The following NUP155 variants were observed in gnomAD, a reference collection of about 807,000 sequenced individuals.
NUP155 encodes nuclear pore complex protein Nup155.
In NUP155, 71 loss-of-function variants were observed where a neutral mutation model predicts 180.4. The observed-to-expected ratio is 0.39, with a 90% confidence interval of 0.33 to 0.48. The LOEUF (loss-of-function observed/expected upper bound fraction) is 0.48. Ranked by LOEUF, NUP155 falls within the 20% of genes least tolerant of loss-of-function variation. NUP155 has a pLI of 0.91. For synonymous variants in NUP155, 582 were observed against 559.5 expected (o/e 1.04, Z -0.57); for missense variants, 1,553 against 1,648.9 (o/e 0.94, Z 1.01).
In NUP155 at chr5:37,324,019, A is replaced by T; in HGVS notation, c.2180T>A (p.Phe727Tyr). ...LQEFLDRNSQFAGGPLGNPNT... is the reference protein window; with the variant it reads ...LQEFLDRNSQYAGGPLGNPNT... ...TGGATTTCCTAATGGTCCTCCTGCA[A>T]ACTGGGAGTTTCTGTCTAGAAATTC... is the stretch of plus-strand genomic sequence containing the variant. Residue 727 changes from phenylalanine (F) to tyrosine (Y), a missense_variant, in exon 20 of 35, where the codon TTT (phenylalanine) becomes TAT (tyrosine). By Grantham distance (22) the Phe-to-Tyr change is conservative (BLOSUM62 3). Transcript: ENST00000231498. 6.2e-7 allele frequency: 1 copy of T among 1,612,342 alleles called. No individual in the cohort carries two copies. Among genetic ancestry groups the T allele is most frequent in the Non-Finnish European group, 8.5e-7 (1 of 1,178,396 alleles).
chr5:37,314,868 T>C (rs1246061380), intron 21 of NUP155, among the ~76,000 whole-genome samples: 1 of 152,036 alleles, frequency 6.6e-6, no homozygotes, highest in African/African-American at 2.4e-5. Context: ...AAATGATGAA[T>C]AGAAACCTAG....
intron 11 of NUP155, among the ~76,000 whole-genome samples, chr5:37,339,934 G>T (rs1379980832): frequency 6.6e-6 from 1 of 152,028 alleles, no homozygotes; most frequent in Admixed American, 6.6e-5. Context: ...GCTAATTTTT[G>T]TATTTTTAGT....
At chr5:37,305,329 G>A in intron 25 of NUP155, 119 bp from the exon 26 acceptor site, 3 of 825,868 alleles carry the variant, frequency 3.6e-6, no homozygotes, top group Non-Finnish European at 6.0e-6. Context: ...AGGACGGCTT[G>A]AGGCTGGGAG....
In NUP155 at chr5:37,327,796, A is replaced by C; in HGVS notation, c.1877-20T>G. 1 of 1,613,080 alleles carries C rather than the reference A, an allele frequency of 6.2e-7. No homozygotes were observed. The highest frequency in any genetic ancestry group is 8.5e-7 in the Non-Finnish European group (1 of 1,179,070). ...GTATACCTTGTACACACATAAGAAA[A>C]ACAAATCTCTTAATCTTAATCTTAG... On this transcript the variant is annotated intron_variant, in intron 17 of 34. Coordinates refer to ENST00000231498, the MANE Select transcript of NUP155 (RefSeq NM_153485.3).
At chr5:37,292,246 C>T (rs1184447733) in intron 34 of NUP155, among the ~76,000 whole-genome samples, 1 of 149,878 alleles carries the variant, frequency 6.7e-6, no homozygotes, top group African/African-American at 2.5e-5. Context: ...GACGGAGTCT[C>T]GCTCTGTCAC....
intron 8 of NUP155, among the ~76,000 whole-genome samples, chr5:37,348,953 A>C (rs548842731): frequency 7.2e-5 from 11 of 152,016 alleles, no homozygotes; most frequent in Non-Finnish European, 1.2e-4. Context: ...GCAGGGTTTC[A>C]TCATGTTGGC....
intron 30 of NUP155, chr5:37,301,215 AGGTT>A (rs1742846621): frequency 2.1e-6 from 1 of 478,716 alleles, no homozygotes; most frequent in African/African-American, 2.0e-5. Context: ...CGAGGATGAT[AGGTT>A]CTTTGTAGCT....
At position 37,371,106 on chromosome 5, in the gene NUP155, C is replaced by T; in HGVS notation, c.-129G>A. The stretch of plus-strand genomic sequence containing the variant: ...CCAAACGAGCGCCTTGGCGCCTCGA[C>T]ATGACGCACTTCCGCTTCATCCGGT... On this transcript the variant is annotated 5_prime_UTR_variant, in exon 1 of 35. Coordinates refer to ENST00000231498, the MANE Select transcript of NUP155 (RefSeq NM_153485.3). 2.3e-6 allele frequency: 2 copies of T among 867,840 alleles called. No individual in the cohort carries two copies. The highest frequency in any genetic ancestry group is 4.5e-5 in the Admixed American group (2 of 44,502). 53.8% of individuals were successfully genotyped at this position (867,840 alleles called of 1,614,324 possible).
intron 9 of NUP155, among the ~76,000 whole-genome samples, chr5:37,347,211 G>C (rs939719293): frequency 6.6e-6 from 1 of 151,584 alleles, no homozygotes; most frequent in Non-Finnish European, 1.5e-5. Context: ...CTGGGCAACA[G>C]AGCGAGACTC....
chr5:37,356,299 T>C (rs930537405), intron 4 of NUP155, among the ~76,000 whole-genome samples: 10 of 151,456 alleles, frequency 6.6e-5, no homozygotes, highest in Non-Finnish European at 1.5e-4. Context: ...ATGCTTGTGA[T>C]ATCTACAAGA....
chr5:37,293,272 A>G (rs553513831), intron 33 of NUP155: 134 of 307,052 alleles, frequency 4.4e-4, no homozygotes, highest in Non-Finnish European at 7.6e-4. Context: ...GAGATAAGAG[A>G]AAAATCTTTC....
intron 20 of NUP155, among the ~76,000 whole-genome samples, chr5:37,321,506 C>T (rs1744242118): frequency 2.0e-5 from 3 of 152,168 alleles, no homozygotes; most frequent in Non-Finnish European, 4.4e-5. Context: ...AGCACGAAGT[C>T]AAGAGATCGA....
In NUP155 at chr5:37,342,549, C is replaced by T; in HGVS notation, c.1093G>A (p.Gly365Ser). The T allele has an allele frequency of 6.3e-7, 1 of 1,590,506 alleles. No individual in the cohort carries two copies. The highest frequency in any genetic ancestry group is 8.6e-7 in the Non-Finnish European group (1 of 1,158,660). The change falls in exon 10 of 35, where the codon GGT becomes AGT. Residue 365 changes from glycine to serine, a missense_variant and splice_region_variant. Physicochemically the swap from Gly to Ser is moderately conservative, Grantham distance 56. Coordinates refer to ENST00000231498, the MANE Select transcript of NUP155 (RefSeq NM_153485.3). ...CAGATATGTAAATAAAACAACATAC[C>T]TGCATGTGTGACAGCCAATAACTGA... is the stretch of plus-strand genomic sequence containing the variant. ...DCQLLAVTHA[G>S]VRLYFSTCPF...
Position 37,332,336 on chromosome 5 carries a change from T to C in NUP155, c.1519-541A>G, listed in dbSNP as rs1745027018. 2.1e-5 allele frequency among the ~76,000 whole-genome samples: 3 copies of C among 143,736 alleles called. No homozygotes were observed. The South Asian group carries it at 6.9e-4, about 33-fold the overall frequency. 94.3% of individuals were successfully genotyped at this position (143,736 alleles called of 152,430 possible). Reference sequence around the variant, plus strand: ...AGCTTTTTTTTTTTTTTTTTTTTTTTTTTTAGACGGAGTCTCGTACTGTCT... The same window carrying C: ...AGCTTTTTTTTTTTTTTTTTTTTTTCTTTTAGACGGAGTCTCGTACTGTCT... On this transcript the variant is annotated intron_variant, in intron 13 of 34. Transcript: ENST00000231498.
intron 10 of NUP155, 68 bp downstream of exon 10, chr5:37,342,481 A>T (rs777586022): frequency 6.0e-5 from 56 of 935,192 alleles, no homozygotes; most frequent in Non-Finnish European, 8.8e-5. Flanking sequence ...TCTAATAATA[A>T]ATTTCCAAAT....
chr5:37,303,337 T>G lies in NUP155; in HGVS notation c.3240A>C (p.Leu1080Phe). The G allele has an allele frequency of 6.2e-7, 1 of 1,614,074 alleles. No individual in the cohort carries two copies. The highest frequency in any genetic ancestry group is 1.1e-5 in the South Asian group (1 of 91,072). Reference sequence around the variant, plus strand: ...TGTTCTTCTCGTAATACCGCCAGAGTAAATCCATATAACGAACTCTGTTTT... The same window carrying G: ...TGTTCTTCTCGTAATACCGCCAGAGGAAATCCATATAACGAACTCTGTTTT... ...VDQNRVRYMD[L>F]LWRYYEKNRS... is the part of the protein sequence containing the mutation. The change falls in exon 28 of 35, where the codon TTA (leucine) becomes TTC (phenylalanine). Residue 1080 changes from leucine to phenylalanine, a missense_variant. Leu to Phe is a conservative substitution (Grantham distance 22). Coordinates refer to ENST00000231498, the MANE Select transcript of NUP155 (RefSeq NM_153485.3).
chr5:37,313,402 G>A (rs1743647607), intron 22 of NUP155, among the ~76,000 whole-genome samples: 1 of 151,686 alleles, frequency 6.6e-6, no homozygotes, highest in Non-Finnish European at 1.5e-5. Flanking sequence ...CTGCAGCCTG[G>A]GCGACAGAGT....
chr5:37,328,467 A>G (rs369367415), intron 16 of NUP155, 47 bp from the exon 17 acceptor site: 123 of 1,329,220 alleles, frequency 9.3e-5, no homozygotes, highest in Admixed American at 1.7e-4. Flanking sequence ...GAACATCTCA[A>G]TCTTTTGAAT....
rs1026988993 is a variant in NUP155, at chr5:37,310,886, A to C, written c.2437-143T>G. 1.1e-5 allele frequency: 7 copies of C among 646,820 alleles called. No individual in the cohort carries two copies. In the South Asian group the frequency reaches 1.9e-4, roughly 17 times the overall value. The allele number at this position is 646,820 out of a possible 1,614,324, so 40.1% of individuals were successfully genotyped here. ...GAAAATATACTAATTAGTAGAAACA[A>C]ATTTTTGCGAACTTACATAAAATCA... On this transcript the variant is annotated intron_variant, in intron 22 of 34. Coordinates refer to ENST00000231498, the MANE Select transcript of NUP155 (RefSeq NM_153485.3).
Sources: allele counts gnomAD v4.1 joint callset (sites outside exome capture counted in the v4.1 genomes callset), GRCh38; gene constraint gnomAD v4.1.1; transcripts MANE v1.5; gene names NCBI Gene and HGNC (gene_info 2026-07-23, HGNC 2026-07-21).